The following PCLO variants were observed in gnomAD, a reference collection of about 807,000 sequenced individuals.
The protein encoded by PCLO is piccolo presynaptic cytomatrix protein.
In PCLO, 82 loss-of-function variants were observed where a neutral mutation model predicts 427.5. That is an observed-to-expected ratio of 0.19 (90% CI 0.16 to 0.23). The LOEUF (loss-of-function observed/expected upper bound fraction) is 0.23, where lower values mean the gene tolerates loss of function less well. PCLO is among the 10% of genes least tolerant of loss of function. The pLI is 1.00. For synonymous variants in PCLO, 2,357 were observed against 2,155.4 expected (o/e 1.09, Z -2.59); for missense variants, 6,239 against 6,115.9 (o/e 1.02, Z -0.67).
intron 3 of PCLO, among the ~76,000 whole-genome samples, 172 bp from the exon 4 acceptor site, chr7:82,966,659 A>G (rs1795782018): frequency 6.6e-6 from 1 of 152,212 alleles, no homozygotes; most frequent in Non-Finnish European, 1.5e-5. Context: ...ACATTACAAA[A>G]AGGCTATTTG....
chr7:82,957,392 A>C (rs1795551316), intron 4 of PCLO, among the ~76,000 whole-genome samples: 1 of 152,180 alleles, frequency 6.6e-6, no homozygotes, highest in Non-Finnish European at 1.5e-5. Flanking sequence ...GCAAGTTGTA[A>C]GGGATGTTGG....
At chr7:82,827,332 TAC>T (rs989708607) in intron 17 of PCLO, among the ~76,000 whole-genome samples, 3 of 152,056 alleles carry the variant, frequency 2.0e-5, no homozygotes, top group Non-Finnish European at 4.4e-5. Context: ...AATTTTTGCC[TAC>T]AGTTACTTAT....
chr7:82,791,739 C>G (rs142232103), intron 22 of PCLO, among the ~76,000 whole-genome samples: 3 of 152,016 alleles, frequency 2.0e-5, no homozygotes, highest in Non-Finnish European at 4.4e-5. Context: ...CTGAAATGTG[C>G]TGGTCTTTTC....
At chr7:83,049,886 A>C (rs1789190859) in intron 3 of PCLO, among the ~76,000 whole-genome samples, 1 of 152,114 alleles carries the variant, frequency 6.6e-6, no homozygotes, top group Admixed American at 6.6e-5. Flanking sequence ...GCTACGATTT[A>C]ACAAAATAAG....
chr7:83,129,796 C>T (rs537017324), intron 3 of PCLO, among the ~76,000 whole-genome samples: 2 of 152,108 alleles, frequency 1.3e-5, no homozygotes, highest in South Asian at 4.2e-4. Flanking sequence ...TATATGTTTA[C>T]TCAGATACAG....
chr7:83,093,871 A>G (rs1482546785), intron 3 of PCLO, among the ~76,000 whole-genome samples: 4 of 148,686 alleles, frequency 2.7e-5, no homozygotes, highest in African/African-American at 9.9e-5. Flanking sequence ...TTTTGAGATA[A>G]TTGTAAATTC....
intron 2 of PCLO, among the ~76,000 whole-genome samples, chr7:83,154,476 TAC>T (rs1243422117): frequency 7.9e-5 from 12 of 152,166 alleles, no homozygotes; most frequent in African/African-American, 2.7e-4. Context: ...GGGTCTTAAA[TAC>T]AGAGTGAAAT....
chr7:82,997,246 A>G (rs945475744), intron 3 of PCLO, among the ~76,000 whole-genome samples: 1 of 151,910 alleles, frequency 6.6e-6, no homozygotes, highest in African/African-American at 2.4e-5. Context: ...ACAGTCTCTT[A>G]AAGAGGAAAA....
intron 3 of PCLO, among the ~76,000 whole-genome samples, chr7:82,981,287 A>C (rs1196702053): frequency 6.6e-6 from 1 of 152,014 alleles, no homozygotes; most frequent in East Asian, 1.9e-4. Flanking sequence ...GAGGGTACTT[A>C]GGCCAGAGTT....
At chr7:83,114,101 T>G (rs1016475407) in intron 3 of PCLO, among the ~76,000 whole-genome samples, 3 of 152,148 alleles carry the variant, frequency 2.0e-5, no homozygotes, top group Non-Finnish European at 2.9e-5. Flanking sequence ...ATAACTCGAT[T>G]AAGAGAAAGC....
chr7:83,059,304 T>C (rs981464066), intron 3 of PCLO, among the ~76,000 whole-genome samples: 3 of 143,490 alleles, frequency 2.1e-5, no homozygotes, highest in Admixed American at 1.4e-4. Flanking sequence ...AATATATATA[T>C]ATATTATATT....
rs529404403 is a variant in PCLO at position 82,973,397 on chromosome 7, A to G, written c.3301-6910T>C. ...TTGAGGTTCTTCCTCATATATAGAC[A>G]TAAGATTATATCAAATTATATTAGA... On this transcript the variant is annotated intron_variant, in intron 3 of 24. Transcript: ENST00000333891. Among the ~76,000 whole-genome samples, 211 of 151,738 alleles carry G rather than the reference A, an allele frequency of 1.4e-3. 1 individual carries two copies. Among genetic ancestry groups the G allele is most frequent in the African/African-American group, 4.7e-3 (195 of 41,568 alleles).
At chr7:82,936,948 T>A (rs543803593) in intron 6 of PCLO, among the ~76,000 whole-genome samples, 1 of 151,732 alleles carries the variant, frequency 6.6e-6, no homozygotes, top group East Asian at 1.9e-4. Context: ...AATAGGTAAA[T>A]CCATACAGAC....
rs988558741 is a variant in PCLO at position 83,162,790 on chromosome 7, G to T, written c.-198C>A. On this transcript the variant is annotated 5_prime_UTR_variant, in exon 1 of 25. Transcript: ENST00000333891. ...CCGCTCGCAGGTAACGCCCGCTGCC[G>T]GTGCCTCCTCCATGTTGGACAGCGC... The T allele has an allele frequency of 4.1e-5, 27 of 655,038 alleles. No individual in the cohort carries two copies. Among genetic ancestry groups the T allele is most frequent in the Non-Finnish European group, 6.8e-5 (27 of 398,510 alleles). 40.6% of individuals were successfully genotyped at this position (655,038 alleles called of 1,614,324 possible).
intron 22 of PCLO, among the ~76,000 whole-genome samples, chr7:82,780,353 T>A (rs73706705): frequency 0.01 from 1,585 of 152,316 alleles, 34 homozygotes; most frequent in African/African-American, 0.036. Flanking sequence ...AGAACGTTTG[T>A]TCTGTGGACT....
At chr7:82,900,326 G>A (rs1182937711) in intron 9 of PCLO, among the ~76,000 whole-genome samples, 2 of 151,546 alleles carry the variant, frequency 1.3e-5, no homozygotes, top group Non-Finnish European at 3.0e-5. Flanking sequence ...CCCGTTTGTT[G>A]TATCAGTGCT....
At chr7:82,832,195 T>C (rs1423404813) in intron 16 of PCLO, among the ~76,000 whole-genome samples, 2 of 152,196 alleles carry the variant, frequency 1.3e-5, no homozygotes, top group African/African-American at 2.4e-5. Flanking sequence ...AGATGGGACA[T>C]GGTGCTTATC....
At position 82,757,726 on chromosome 7, in the gene PCLO, G is replaced by A. The variant is rs972839484; in HGVS notation, c.*849C>T. On this transcript the variant is annotated 3_prime_UTR_variant, in exon 25 of 25. Transcript: ENST00000333891. ...CTCTAGGTCCTTTGGTACATAGACT[G>A]AAGATGTCTTGGCTTAATGGTAAAT... 3 of 151,958 alleles carry A rather than the reference G, an allele frequency of 2.0e-5. No homozygotes were observed. The highest frequency in any genetic ancestry group is 4.4e-5 in the Non-Finnish European group (3 of 67,922). 9.4% of individuals were successfully genotyped at this position (151,958 alleles called of 1,614,324 possible).
At chr7:83,016,095 C>G (rs758052703) in intron 3 of PCLO, among the ~76,000 whole-genome samples, 5 of 152,096 alleles carry the variant, frequency 3.3e-5, no homozygotes, top group Non-Finnish European at 5.9e-5. Flanking sequence ...TGAGGTTCTT[C>G]CCACTAGCTC....
Sources: gnomAD v4.1 joint callset for allele counts (sites outside exome capture counted in the v4.1 genomes callset) on GRCh38, gnomAD v4.1.1 for gene constraint, MANE v1.5 for transcripts, NCBI Gene and HGNC (gene_info 2026-07-23, HGNC 2026-07-21) for gene names.